The following COL11A2 variants were observed in gnomAD, a reference collection of about 807,000 sequenced individuals.
COL11A2 encodes collagen alpha-2(XI) chain.
COL11A2 carries 116 observed loss-of-function variants against 273.4 expected under a neutral mutation model. The ratio of observed to expected loss-of-function variants is 0.42; its 90% confidence interval spans 0.36 to 0.49. COL11A2 has a LOEUF of 0.49. Ranked by LOEUF, COL11A2 falls within the 20% of genes least tolerant of loss-of-function variation. The pLI is 0.00. For missense variants in COL11A2, 1,866 were observed against 2,309.0 expected, an observed-to-expected ratio of 0.81 and a Z score of 3.93; for synonymous variants, 782 against 864.2, an observed-to-expected ratio of 0.90 and a Z score of 1.67.
chr6:33,178,654 A>G lies in COL11A2; in HGVS notation c.1719+25T>C, dbSNP rs750438228. ...CCATAGAAGATCTATCCCCAATTACAACACACACCCACTAATGTACTCACC... is the reference window on the plus strand; with the variant it reads ...CCATAGAAGATCTATCCCCAATTACGACACACACCCACTAATGTACTCACC... On this transcript the variant is annotated intron_variant, in intron 18 of 65. Transcript: ENST00000341947. The surrounding 1 kb of genome is among the most constrained non-coding windows in gnomAD (Gnocchi z 4.6). The G allele has an allele frequency of 5.0e-6, 8 of 1,612,160 alleles. No homozygotes were observed. Among genetic ancestry groups the G allele is most frequent in the South Asian group, 2.2e-5 (2 of 91,080 alleles).
At chr6:33,175,932 A>G in intron 29 of COL11A2, 84 bp downstream of exon 29, 1 of 1,509,126 alleles carries the variant, frequency 6.6e-7, no homozygotes, top group Non-Finnish European at 9.2e-7. Flanking sequence ...CTGGAGACTC[A>G]GGAGAATAAA....
At chr6:33,180,532 G>T in intron 11 of COL11A2, 136 bp downstream of exon 11, 1 of 976,672 alleles carries the variant, frequency 1.0e-6, no homozygotes, top group Non-Finnish European at 1.5e-6. Flanking sequence ...CCTCCTTTCT[G>T]GTTGCTGGGA....
chr6:33,172,580 G>A lies in COL11A2; in HGVS notation c.2848C>T (p.Pro950Ser), dbSNP rs768902062. The A allele has an allele frequency of 3.7e-6, 6 of 1,612,650 alleles. No individual in the cohort carries two copies. In the East Asian group the frequency reaches 6.7e-5, roughly 18 times the overall value. Residue 950 changes from proline (P) to serine (S), a missense_variant, in exon 39 of 66, where the codon CCC (proline) becomes TCC (serine). Transcript: ENST00000341947. ...GERGHPGPPG[P>S]PGEQGLPGTA... ...CCAGGTAGTCCCTGCTCTCCAGGGG[G>A]CCCCGGGGGGCCTGGGTGACCTCTC...
chr6:33,170,390 C>T lies in COL11A2; in HGVS notation c.3529-11G>A. ...GGGGCCAGGTGGTCCCTGGGGGAAACAGATACACCACAGATGAGGAAGGGA... is the reference window on the plus strand; with the variant it reads ...GGGGCCAGGTGGTCCCTGGGGGAAATAGATACACCACAGATGAGGAAGGGA... On this transcript the variant is annotated splice_polypyrimidine_tract_variant and intron_variant, in intron 47 of 65. Coordinates refer to ENST00000341947, the MANE Select transcript of COL11A2 (RefSeq NM_080680.3). The surrounding 1 kb of genome is among the most constrained non-coding windows in gnomAD (Gnocchi z 4.3). 6.2e-7 allele frequency: 1 copy of T among 1,612,114 alleles called. No individual in the cohort carries two copies. Among genetic ancestry groups the T allele is most frequent in the Non-Finnish European group, 8.5e-7 (1 of 1,179,376 alleles).
chr6:33,178,550 C>A lies in COL11A2; in HGVS notation c.1720-62G>T. ...GCCCCCAACACAGGCAGACACCGAA[C>A]CTCTGCACTTAGCCCATCCATTACT... On this transcript the variant is annotated intron_variant, in intron 18 of 65. Transcript: ENST00000341947. This position sits in a 1 kb window ranked among gnomAD's most constrained non-coding sequence, Gnocchi z 4.6. 2 of 1,610,408 alleles carry A rather than the reference C, an allele frequency of 1.2e-6. No individual in the cohort carries two copies. Among genetic ancestry groups the A allele is most frequent in the Non-Finnish European group, 1.7e-6 (2 of 1,177,792 alleles).
chr6:33,189,641 G>C lies in COL11A2; in HGVS notation c.83-172C>G, dbSNP rs559544074. Among the ~76,000 whole-genome samples, 3 of 152,170 alleles carry C rather than the reference G, an allele frequency of 2.0e-5. No individual in the cohort carries two copies. Among genetic ancestry groups the C allele is most frequent in the Non-Finnish European group, 4.4e-5 (3 of 68,030 alleles). On this transcript the variant is annotated intron_variant, in intron 1 of 65. Transcript: ENST00000341947. The surrounding 1 kb of genome is among the most constrained non-coding windows in gnomAD (Gnocchi z 5.6). ...ACCTGAATGGATGGGAAATGCAAAG[G>C]TACCTGGAGGCAGGGCAGCATCAGC...
Position 33,190,745 on chromosome 6 carries a change from G to A in COL11A2, c.83-1276C>T, listed in dbSNP as rs566840398. Among the ~76,000 whole-genome samples the A allele has an allele frequency of 2.2e-4, 33 of 152,162 alleles. No individual in the cohort carries two copies. The highest frequency in any genetic ancestry group is 3.8e-4 in the Non-Finnish European group (26 of 68,000). Reference sequence around the variant, plus strand: ...CAGCTCCGCAAACACCAACACACAAGGGCCGCTTTGAGAGACGAAGGGTGA... The same window carrying A: ...CAGCTCCGCAAACACCAACACACAAAGGCCGCTTTGAGAGACGAAGGGTGA... On this transcript the variant is annotated intron_variant, in intron 1 of 65. Transcript: ENST00000341947. This position sits in a 1 kb window ranked among gnomAD's most constrained non-coding sequence, Gnocchi z 4.5.
intron 11 of COL11A2, 63 bp downstream of exon 11, chr6:33,180,605 C>A: frequency 6.9e-7 from 1 of 1,452,596 alleles, no homozygotes; most frequent in Non-Finnish European, 9.4e-7. Flanking sequence ...GCATGGTAGC[C>A]CCCCGCTTGG....
chr6:33,173,605 G>A lies in COL11A2; in HGVS notation c.2629-50C>T. On this transcript the variant is annotated intron_variant, in intron 35 of 65. Coordinates refer to ENST00000341947, the MANE Select transcript of COL11A2 (RefSeq NM_080680.3). The surrounding 1 kb of genome is among the most constrained non-coding windows in gnomAD (Gnocchi z 6.3). ...AGGAGAATGGGGGCAGGGGCTGAGT[G>A]GGGGAACTCAGCTTCCTTCCTGGGG... The A allele has an allele frequency of 8.4e-7, 1 of 1,191,176 alleles. No homozygotes were observed. The highest frequency in any genetic ancestry group is 1.2e-5 in the South Asian group (1 of 80,718). The allele number at this position is 1,191,176 out of a possible 1,614,324, so 73.8% of individuals were successfully genotyped here.
rs910302311 is a variant in COL11A2, at chr6:33,186,938, G to C, written c.607-120C>G. ...AACCCTAAGATGGGAGAAGGTCACT[G>C]TCAGTCCTCCATATGCATAGCCCTT... On this transcript the variant is annotated intron_variant, in intron 4 of 65. Coordinates refer to ENST00000341947, the MANE Select transcript of COL11A2 (RefSeq NM_080680.3). The C allele has an allele frequency of 5.2e-6, 7 of 1,356,276 alleles. No individual in the cohort carries two copies. The African/African-American group carries it at 5.7e-5, about 11-fold the overall frequency. The allele number at this position is 1,356,276 out of a possible 1,614,324, so 84.0% of individuals were successfully genotyped here. A position where few individuals can be genotyped will look rare whatever the true frequency, so the allele number is the denominator to read the frequency against.
chr6:33,164,937 C>T lies in COL11A2; in HGVS notation c.4778G>A (p.Gly1593Asp). The T allele has an allele frequency of 6.3e-7, 1 of 1,579,206 alleles. No homozygotes were observed. The highest frequency in any genetic ancestry group is 1.2e-5 in the South Asian group (1 of 86,300). Residue 1593 changes from glycine to aspartate, a missense_variant, in exon 64 of 66, where the codon GGC becomes GAC. By Grantham distance (94) the Gly-to-Asp change is moderately conservative. Coordinates refer to ENST00000341947, the MANE Select transcript of COL11A2 (RefSeq NM_080680.3). The surrounding 1 kb of genome is among the most constrained non-coding windows in gnomAD (Gnocchi z 4.7). ...AACTCGGAAGGCATCCCGAGCACAG[C>T]CCTGGTTGGGGTCGACCCAGTACTC... ...DGEYWVDPNQ[G>D]CARDAFRVFC...
Position 33,168,620 on chromosome 6 carries a change from G to A in COL11A2, c.3907-48C>T, listed in dbSNP as rs1038280912. Reference sequence around the variant, plus strand: ...GGCTGAGTGTTTATCCTCCAGCCAAGGGACCCCTCAGGAGTGGGGCACAGA... The same window carrying A: ...GGCTGAGTGTTTATCCTCCAGCCAAAGGACCCCTCAGGAGTGGGGCACAGA... On this transcript the variant is annotated intron_variant, in intron 53 of 65. Transcript: ENST00000341947. The A allele has an allele frequency of 3.7e-6, 6 of 1,608,596 alleles. No homozygotes were observed. The African/African-American group carries it at 6.7e-5, about 18-fold the overall frequency.
Position 33,184,165 on chromosome 6 carries a change from C to G in COL11A2, c.1099G>C (p.Glu367Gln), listed in dbSNP as rs149586173. 6 of 1,367,344 alleles carry G rather than the reference C, an allele frequency of 4.4e-6. No individual in the cohort carries two copies. Among genetic ancestry groups the G allele is most frequent in the Non-Finnish European group, 5.9e-6 (6 of 1,021,992 alleles). 84.7% of individuals were successfully genotyped at this position (1,367,344 alleles called of 1,614,324 possible). A position where few individuals can be genotyped will look rare whatever the true frequency, so the allele number is the denominator to read the frequency against. ...ETELGPALSA[E>Q]TAHSGAAAHG... is the part of the protein sequence containing the mutation. ...CTTACGGCTCCTGAGTGGGCTGTCTCCGCAGAGAGGGCAGGGCCAAGCTCT... is the reference window on the plus strand; with the variant it reads ...CTTACGGCTCCTGAGTGGGCTGTCTGCGCAGAGAGGGCAGGGCCAAGCTCT... Residue 367 changes from glutamate (E) to glutamine (Q), a missense_variant, in exon 8 of 66, where the codon GAG (glutamate) becomes CAG (glutamine). Coordinates refer to ENST00000341947, the MANE Select transcript of COL11A2 (RefSeq NM_080680.3).
In COL11A2 at chr6:33,179,605, A is replaced by T; in HGVS notation, c.1446+114T>A. ...TCATCCACTGCCCAGGATTCTCCCCAACCTCCCTGTTAACCCCAAACCAAC... is the reference window on the plus strand; with the variant it reads ...TCATCCACTGCCCAGGATTCTCCCCTACCTCCCTGTTAACCCCAAACCAAC... On this transcript the variant is annotated intron_variant, in intron 13 of 65. Coordinates refer to ENST00000341947, the MANE Select transcript of COL11A2 (RefSeq NM_080680.3). The surrounding 1 kb of genome is among the most constrained non-coding windows in gnomAD (Gnocchi z 6.4). The T allele has an allele frequency of 6.8e-7, 1 of 1,463,332 alleles. No individual in the cohort carries two copies. The allele number at this position is 1,463,332 out of a possible 1,614,324, so 90.6% of individuals were successfully genotyped here. A position where few individuals can be genotyped will look rare whatever the true frequency, so the allele number is the denominator to read the frequency against.
chr6:33,177,203 G>A lies in COL11A2; in HGVS notation c.1994C>T (p.Ala665Val), dbSNP rs1015535051. ...TACCTTCTCTCCATGAGGGCCGATGGCACCCTGGGGCCCGGGAAGACCCTA... is the reference window on the plus strand; with the variant it reads ...TACCTTCTCTCCATGAGGGCCGATGACACCCTGGGGCCCGGGAAGACCCTA... ...GTQGLPGPQG[A>V]IGPHGEKGPQ... The change falls in exon 24 of 66, where the codon GCC (alanine) becomes GTC (valine). Residue 665 changes from alanine (A) to valine (V), a missense_variant. Transcript: ENST00000341947. This position sits in a 1 kb window ranked among gnomAD's most constrained non-coding sequence, Gnocchi z 5.9. 1.2e-6 allele frequency: 2 copies of A among 1,613,008 alleles called. No individual in the cohort carries two copies. The highest frequency in any genetic ancestry group is 1.7e-6 in the Non-Finnish European group (2 of 1,180,000).
chr6:33,173,570 G>A lies in COL11A2; in HGVS notation c.2629-15C>T. On this transcript the variant is annotated splice_polypyrimidine_tract_variant and intron_variant, in intron 35 of 65. Coordinates refer to ENST00000341947, the MANE Select transcript of COL11A2 (RefSeq NM_080680.3). The surrounding 1 kb of genome is among the most constrained non-coding windows in gnomAD (Gnocchi z 6.3). ...CCAGGGAGGCCCTAGAGACAGAGGT[G>A]GGGGGAGTCAGGAGAATGGGGGCAG... The A allele has an allele frequency of 7.4e-6, 11 of 1,479,830 alleles. No individual in the cohort carries two copies. The highest frequency in any genetic ancestry group is 1.0e-5 in the Non-Finnish European group (11 of 1,090,376). 91.7% of individuals were successfully genotyped at this position (1,479,830 alleles called of 1,614,324 possible).
chr6:33,167,809 T>C lies in COL11A2; in HGVS notation c.4004A>G (p.Lys1335Arg), dbSNP rs780514947. The stretch of plus-strand genomic sequence containing the variant: ...CAGCCTGTCCCTCACCTTGGCTCCC[T>C]TCCCTCCTTGTCGCCCCTCGGAACC... ...SPGSEGRQGGKGAKGDPGAIG... is the reference protein window; with the variant it reads ...SPGSEGRQGGRGAKGDPGAIG... Residue 1335 changes from lysine (K) to arginine (R), a missense_variant, in exon 55 of 66, where the codon AAG becomes AGG. Transcript: ENST00000341947. The surrounding 1 kb of genome is among the most constrained non-coding windows in gnomAD (Gnocchi z 6.1). 6.2e-7 allele frequency: 1 copy of C among 1,612,814 alleles called. No individual in the cohort carries two copies. Among genetic ancestry groups the C allele is most frequent in the Non-Finnish European group, 8.5e-7 (1 of 1,179,928 alleles).
rs760491598 is a variant in COL11A2, at chr6:33,166,244, G to A, written c.4393-38C>T. 4.4e-6 allele frequency: 7 copies of A among 1,583,790 alleles called. No individual in the cohort carries two copies. The highest frequency in any genetic ancestry group is 6.0e-6 in the Non-Finnish European group (7 of 1,165,550). On this transcript the variant is annotated intron_variant, in intron 60 of 65. Transcript: ENST00000341947. This position sits in a 1 kb window ranked among gnomAD's most constrained non-coding sequence, Gnocchi z 4.8. The stretch of plus-strand genomic sequence containing the variant: ...GAACAAGAAAGAGACGGTCACTGCA[G>A]GGGAAGGACAGGACTCAGAGGAGCG...
chr6:33,178,285 A>G lies in COL11A2; in HGVS notation c.1818+23T>C, dbSNP rs1181500594. ...TGGCTTCCCCAGAGCCCCCTCCCCCAGCACCAGCCCTTGGACACTCACCGA... is the reference window on the plus strand; with the variant it reads ...TGGCTTCCCCAGAGCCCCCTCCCCCGGCACCAGCCCTTGGACACTCACCGA... On this transcript the variant is annotated intron_variant, in intron 20 of 65. Coordinates refer to ENST00000341947, the MANE Select transcript of COL11A2 (RefSeq NM_080680.3). The surrounding 1 kb of genome is among the most constrained non-coding windows in gnomAD (Gnocchi z 4.6). The G allele has an allele frequency of 6.2e-7, 1 of 1,612,038 alleles. No individual in the cohort carries two copies. Among genetic ancestry groups the G allele is most frequent in the Non-Finnish European group, 8.5e-7 (1 of 1,179,658 alleles).
Sources: allele counts gnomAD v4.1 joint callset (sites outside exome capture counted in the v4.1 genomes callset), GRCh38; gene constraint gnomAD v4.1.1; non-coding constraint Gnocchi (gnomAD v3.1); transcripts MANE v1.5; gene names NCBI Gene and HGNC (gene_info 2026-07-23, HGNC 2026-07-21).